The following ANTXR1 variants were observed in gnomAD, a reference collection of about 807,000 sequenced individuals.
ANTXR1 encodes the protein anthrax toxin receptor 1.
ANTXR1 carries 19 observed loss-of-function variants against 78.1 expected under a neutral mutation model. That is an observed-to-expected ratio of 0.24 (90% CI 0.17 to 0.36). The LOEUF (loss-of-function observed/expected upper bound fraction) is 0.36. Among genes scored for constraint, ANTXR1 ranks in the 10% least tolerant of loss-of-function variants. The pLI, the probability that ANTXR1 is intolerant of heterozygous loss-of-function variation, is 1.00. For synonymous variants in ANTXR1, 273 were observed against 260.5 expected, an observed-to-expected ratio of 1.05 and a Z score of -0.46; for missense variants, 518 against 718.6, an observed-to-expected ratio of 0.72 and a Z score of 3.19.
chr2:69,070,516 A>G (rs1670533723), intron 3 of ANTXR1, 131 bp from the exon 4 acceptor site: 2 of 827,540 alleles, frequency 2.4e-6, no homozygotes, highest in Admixed American at 1.9e-5. Context: ...CTTCCCTTTG[A>G]TAGGCTTTTG....
intron 1 of ANTXR1, among the ~76,000 whole-genome samples, chr2:69,017,631 T>C (rs1397727085): frequency 6.6e-6 from 1 of 152,214 alleles, no homozygotes; most frequent in Non-Finnish European, 1.5e-5. Flanking sequence ...GCATTATTAG[T>C]GGCTTTGGCG....
chr2:69,032,769 G>A (rs1022289988), intron 1 of ANTXR1, among the ~76,000 whole-genome samples: 3 of 152,162 alleles, frequency 2.0e-5, no homozygotes, highest in African/African-American at 4.8e-5. Context: ...GTGTGTGTGT[G>A]TGTGCATGTG....
intron 14 of ANTXR1, among the ~76,000 whole-genome samples, chr2:69,174,043 T>C (rs184870175): frequency 6.6e-6 from 1 of 152,340 alleles, no homozygotes; most frequent in Admixed American, 6.5e-5. Context: ...TTCATTTCCC[T>C]TTGAAACCCT....
intron 17 of ANTXR1, among the ~76,000 whole-genome samples, chr2:69,233,548 T>C (rs1173491038): frequency 6.6e-6 from 1 of 152,000 alleles, no homozygotes; most frequent in Non-Finnish European, 1.5e-5. Flanking sequence ...CAACTGTGAA[T>C]AGGAAATTAT....
chr2:69,160,070 G>A (rs1179658831), intron 13 of ANTXR1, among the ~76,000 whole-genome samples: 2 of 152,168 alleles, frequency 1.3e-5, no homozygotes, highest in Non-Finnish European at 2.9e-5. Context: ...GGCATCTTGG[G>A]CCTAATACTG....
At chr2:69,096,350 A>G (rs926903702) in intron 9 of ANTXR1, among the ~76,000 whole-genome samples, 1 of 28,102 alleles carries the variant, frequency 3.6e-5, no homozygotes, top group African/African-American at 2.4e-4. Flanking sequence ...GGAAGGGAGG[A>G]AGGGAGGAAG....
intron 17 of ANTXR1, among the ~76,000 whole-genome samples, chr2:69,224,500 C>T (rs1414219921): frequency 2.0e-5 from 3 of 152,140 alleles, no homozygotes; most frequent in Non-Finnish European, 4.4e-5. Context: ...CCTTTCCCTG[C>T]CCTCAAATCT....
At chr2:69,029,242 TAATG>T (rs1471216779) in intron 1 of ANTXR1, among the ~76,000 whole-genome samples, 2 of 150,668 alleles carry the variant, frequency 1.3e-5, no homozygotes, top group Admixed American at 6.6e-5. Flanking sequence ...TAAAATAAAA[TAATG>T]AGTAAAGAGA....
chr2:69,129,190 G>C (rs1375278153), intron 12 of ANTXR1, among the ~76,000 whole-genome samples: 2 of 152,186 alleles, frequency 1.3e-5, no homozygotes, highest in African/African-American at 4.8e-5. Context: ...GCCAGAAGTT[G>C]AGAAAATTAC....
intron 3 of ANTXR1, among the ~76,000 whole-genome samples, chr2:69,051,596 C>A (rs1212965426): frequency 6.6e-6 from 1 of 151,916 alleles, no homozygotes; most frequent in Non-Finnish European, 1.5e-5. Flanking sequence ...ACTACATGAT[C>A]AAATTTTATT....
intron 12 of ANTXR1, among the ~76,000 whole-genome samples, chr2:69,128,132 G>T (rs1236981458): frequency 2.0e-5 from 3 of 152,024 alleles, no homozygotes; most frequent in Non-Finnish European, 4.4e-5. Flanking sequence ...GCTGAGGCAG[G>T]AGAATCAGCC....
At chr2:69,206,914 A>G (rs1674918903) in intron 17 of ANTXR1, among the ~76,000 whole-genome samples, 1 of 152,248 alleles carries the variant, frequency 6.6e-6, no homozygotes, top group Non-Finnish European at 1.5e-5. Context: ...AGCAATTTGC[A>G]TCAAGTCAGA....
intron 13 of ANTXR1, among the ~76,000 whole-genome samples, chr2:69,156,477 C>T (rs1254302540): frequency 1.3e-5 from 2 of 152,188 alleles, no homozygotes; most frequent in African/African-American, 2.4e-5. Flanking sequence ...CTATGTTAAT[C>T]TGTCCTCACA....
At chr2:69,084,384 A>T (rs1363424749) in intron 8 of ANTXR1, among the ~76,000 whole-genome samples, 1 of 152,192 alleles carries the variant, frequency 6.6e-6, no homozygotes, top group East Asian at 1.9e-4. Context: ...CATCTATTTA[A>T]GTGAGTGGGG....
chr2:69,171,021 T>G (rs1421790873), intron 14 of ANTXR1, among the ~76,000 whole-genome samples: 1 of 152,184 alleles, frequency 6.6e-6, no homozygotes, highest in African/African-American at 2.4e-5. Flanking sequence ...TCTCTAGAAG[T>G]AACATCCACC....
At chr2:69,159,949 G>A (rs990516550) in intron 13 of ANTXR1, among the ~76,000 whole-genome samples, 5 of 152,166 alleles carry the variant, frequency 3.3e-5, no homozygotes, top group Non-Finnish European at 7.3e-5. Context: ...TCTTCGCACC[G>A]TTAAGAATAA....
chr2:69,084,396 G>A (rs1205588855), intron 8 of ANTXR1, among the ~76,000 whole-genome samples: 1 of 152,114 alleles, frequency 6.6e-6, no homozygotes, highest in Non-Finnish European at 1.5e-5. Context: ...TGAGTGGGGT[G>A]CCCTCCCTCA....
intron 10 of ANTXR1, among the ~76,000 whole-genome samples, chr2:69,106,800 A>G (rs1374784092): frequency 2.0e-5 from 3 of 152,194 alleles, no homozygotes; most frequent in East Asian, 3.8e-4. Flanking sequence ...AACCCCCTAA[A>G]GGTGGGCTGA....
chr2:69,120,187 G>A (rs558874461), intron 10 of ANTXR1, among the ~76,000 whole-genome samples: 12 of 152,240 alleles, frequency 7.9e-5, no homozygotes, highest in Admixed American at 2.0e-4. Flanking sequence ...ATAAAATGTC[G>A]AATAGCTCAT....
Sources: allele counts gnomAD v4.1 joint callset (sites outside exome capture counted in the v4.1 genomes callset), GRCh38; gene constraint gnomAD v4.1.1; transcripts MANE v1.5; gene names NCBI Gene and HGNC (gene_info 2026-07-23, HGNC 2026-07-21).